Variants in ZNF74 observed in about 807,000 individuals in gnomAD.
The protein encoded by ZNF74 is zinc finger protein 74, also known as zinc finger protein 520.
A neutral mutation model predicts 17.7 loss-of-function variants in ZNF74; 12 were observed. That is an observed-to-expected ratio of 0.68 (90% CI 0.43 to 1.10). ZNF74 has a LOEUF of 1.10. ZNF74 is among the 50% of genes least tolerant of loss of function. ZNF74 has a pLI of 0.00. For synonymous variants in ZNF74, 358 were observed against 362.1 expected (o/e 0.99, Z 0.13); for missense variants, 811 against 881.0 (o/e 0.92, Z 1.01).
rs362181 is a variant in ZNF74, at chr22:20,399,481, G to T, written c.121-1151G>T. 159,989 of 249,674 alleles carry T rather than the reference G, an allele frequency of 0.64. 53,323 individuals are homozygous for T. Among genetic ancestry groups the T allele is most frequent in the East Asian group, 0.88 (5,544 of 6,288 alleles). 15.5% of individuals were successfully genotyped at this position (249,674 alleles called of 1,614,324 possible). On this transcript the variant is annotated intron_variant, in intron 2 of 4. Coordinates refer to ENST00000400451, the MANE Select transcript of ZNF74 (RefSeq NM_003426.4). The stretch of plus-strand genomic sequence containing the variant: ...AGTGGGTTTCTGTAGCTTGCTTTTT[G>T]AATTCAGTTTGACAATCTCCACCTT...
Position 20,401,224 on chromosome 22 carries a change from G to T in ZNF74, c.248-53G>T. ...TTGTTAGGGGGCGGCCTGTAAGGTC[G>T]ACTGGGCCTGGAGAGCTGCAGCATG... On this transcript the variant is annotated intron_variant, in intron 3 of 4. Coordinates refer to ENST00000400451, the MANE Select transcript of ZNF74 (RefSeq NM_003426.4). The surrounding 1 kb of genome is among the most constrained non-coding windows in gnomAD (Gnocchi z 4.2). The T allele has an allele frequency of 1.5e-6, 2 of 1,303,526 alleles. No individual in the cohort carries two copies. The highest frequency in any genetic ancestry group is 2.5e-5 in the South Asian group (2 of 79,104). 80.7% of individuals were successfully genotyped at this position (1,303,526 alleles called of 1,614,324 possible). A position where few individuals can be genotyped will look rare whatever the true frequency, so the allele number is the denominator to read the frequency against.
In ZNF74 at chr22:20,406,206, C is replaced by T; in HGVS notation, c.1173C>T (p.Gly391=). 6.2e-7 allele frequency: 1 copy of T among 1,612,944 alleles called. No individual in the cohort carries two copies. The highest frequency in any genetic ancestry group is 8.5e-7 in the Non-Finnish European group (1 of 1,179,906). Residue 391 remains glycine, a synonymous_variant, in exon 5 of 5, where the codon GGC becomes GGT. Coordinates refer to ENST00000400451, the MANE Select transcript of ZNF74 (RefSeq NM_003426.4). ...CGGGCGAGAAGCCCTACCAGTGCGG[C>T]TCCTGCGGCAAGGCCTTCACCTGCC... is the stretch of plus-strand genomic sequence containing the variant. ...IHTGEKPYQC[G]SCGKAFTCHS... is the part of the protein sequence containing the mutation.
Position 20,400,683 on chromosome 22 carries a change from G to C in ZNF74, c.172G>C (p.Gly58Arg). ...TGTGGACTTCACCCAGGAGGAGTGG[G>C]GTCAACTAGACTCCCCTCAGAGGGC... ...VAVDFTQEEWGQLDSPQRALY... is the reference protein window; with the variant it reads ...VAVDFTQEEWRQLDSPQRALY... Residue 58 changes from glycine (G) to arginine (R), a missense_variant, in exon 3 of 5, where the codon GGT (glycine) becomes CGT (arginine). Around this residue, in one of 3 missense-constraint regions of ZNF74, gnomAD observed 666 missense variants for 702.3 expected, o/e 0.95. Transcript: ENST00000400451. 6.2e-7 allele frequency: 1 copy of C among 1,613,960 alleles called. No homozygotes were observed. The highest frequency in any genetic ancestry group is 8.5e-7 in the Non-Finnish European group (1 of 1,179,834).
intron 2 of ZNF74, among the ~76,000 whole-genome samples, chr22:20,397,083 T>TC (rs1288288819): frequency 6.8e-6 from 1 of 147,448 alleles, no homozygotes; most frequent in African/African-American, 2.5e-5. Flanking sequence ...TTCTTTTTCT[T>TC]TTTTTTTTTT....
chr22:20,399,696 C>T (rs2052336233), intron 2 of ZNF74: 1 of 277,268 alleles, frequency 3.6e-6, no homozygotes, highest in Non-Finnish European at 7.1e-6. Flanking sequence ...CTCAGGTGAT[C>T]TGCCACCTTG....
chr22:20,401,395 G>C lies in ZNF74; in HGVS notation c.343+23G>C. The C allele has an allele frequency of 6.6e-7, 1 of 1,512,646 alleles. No individual in the cohort carries two copies. Among genetic ancestry groups the C allele is most frequent in the South Asian group, 1.2e-5 (1 of 85,192 alleles). 93.7% of individuals were successfully genotyped at this position (1,512,646 alleles called of 1,614,324 possible). ...CAGGTGAGCAGAGGCACAGGTGGAA[G>C]GGTGCCAGCCCCAGCACCCCTGGTG... On this transcript the variant is annotated intron_variant, in intron 4 of 4. Transcript: ENST00000400451. This position sits in a 1 kb window ranked among gnomAD's most constrained non-coding sequence, Gnocchi z 4.2.
Position 20,400,682 on chromosome 22 carries a change from G to T in ZNF74, c.171G>T (p.Trp57Cys). The change falls in exon 3 of 5, where the codon TGG (tryptophan) becomes TGT (cysteine). Residue 57 changes from tryptophan (W) to cysteine (C), a missense_variant. Physicochemically the swap from Trp to Cys is radical, Grantham distance 215. Around this residue, in one of 3 missense-constraint regions of ZNF74, gnomAD observed 666 missense variants for 702.3 expected, o/e 0.95. Coordinates refer to ENST00000400451, the MANE Select transcript of ZNF74 (RefSeq NM_003426.4). ...DVAVDFTQEEWGQLDSPQRAL... is the reference protein window; with the variant it reads ...DVAVDFTQEECGQLDSPQRAL... ...CTGTGGACTTCACCCAGGAGGAGTG[G>T]GGTCAACTAGACTCCCCTCAGAGGG... 1 of 1,614,076 alleles carries T rather than the reference G, an allele frequency of 6.2e-7. No individual in the cohort carries two copies. The highest frequency in any genetic ancestry group is 1.1e-5 in the South Asian group (1 of 91,084).
In ZNF74 at chr22:20,401,350, A is replaced by G; in HGVS notation, c.321A>G (p.Glu107=). 1.2e-6 allele frequency: 2 copies of G among 1,608,934 alleles called. No homozygotes were observed. The highest frequency in any genetic ancestry group is 1.7e-6 in the Non-Finnish European group (2 of 1,177,598). ...AGGAGCCATGGAGCATGCAGAGGGA[A>G]GTCCCCAGAGGGCCCTGTCCAGGTG... is the stretch of plus-strand genomic sequence containing the variant. The part of the protein sequence containing the change: ...RGEEPWSMQR[E]VPRGPCPEWE... The change falls in exon 4 of 5, where the codon GAA becomes GAG. Residue 107 remains glutamate (E), a synonymous_variant. Transcript: ENST00000400451. The surrounding 1 kb of genome is among the most constrained non-coding windows in gnomAD (Gnocchi z 4.2).
chr22:20,394,662 G>A lies in ZNF74; in HGVS notation c.34G>A (p.Ala12Thr). Residue 12 changes from alanine (A) to threonine (T), a missense_variant and splice_region_variant, in exon 1 of 5, where the codon GCT becomes ACT. Physicochemically the swap from Ala to Thr is moderately conservative, Grantham distance 58 (BLOSUM62 0). This residue lies in a region of ZNF74 where 666 missense variants were observed against 702.3 expected (regional missense o/e 0.95). Transcript: ENST00000400451. ...EIPAPEPEKT[A>T]LSSQDPALSL... ...CCCTGCCCCGGAGCCCGAGAAGACA[G>A]GTACAGCTTCACTCTTGTAGTCAGT... The A allele has an allele frequency of 1.9e-6, 3 of 1,614,150 alleles. No individual in the cohort carries two copies. Among genetic ancestry groups the A allele is most frequent in the Non-Finnish European group, 2.5e-6 (3 of 1,179,994 alleles).
Position 20,406,376 on chromosome 22 carries a change from A to T in ZNF74, c.1343A>T (p.Asp448Val). 1 of 1,613,334 alleles carries T rather than the reference A, an allele frequency of 6.2e-7. No individual in the cohort carries two copies. Among genetic ancestry groups the T allele is most frequent in the Non-Finnish European group, 8.5e-7 (1 of 1,179,834 alleles). ...HTGEKPFKCA[D>V]CGKGFSCHAY... ...GGCGAGAAGCCCTTCAAGTGCGCCG[A>T]CTGCGGGAAGGGCTTCAGCTGCCAC... Residue 448 changes from aspartate (D) to valine (V), a missense_variant, in exon 5 of 5, where the codon GAC (aspartate) becomes GTC (valine). Coordinates refer to ENST00000400451, the MANE Select transcript of ZNF74 (RefSeq NM_003426.4).
intron 2 of ZNF74, among the ~76,000 whole-genome samples, chr22:20,399,051 T>A (rs1378535660): frequency 6.6e-6 from 1 of 152,238 alleles, no homozygotes; most frequent in Admixed American, 6.5e-5. Flanking sequence ...TGATTTAAAG[T>A]CTTTCAAGTC....
chr22:20,404,999 G>A lies in ZNF74; in HGVS notation c.344-378G>A, dbSNP rs533936498. Reference sequence around the variant, plus strand: ...CCTGTGTATTGCGAGCACCTGCCATGGTATTGATACAGAGCAGTCGGTCAG... The same window carrying A: ...CCTGTGTATTGCGAGCACCTGCCATAGTATTGATACAGAGCAGTCGGTCAG... On this transcript the variant is annotated intron_variant, in intron 4 of 4. Transcript: ENST00000400451. Among the ~76,000 whole-genome samples the A allele has an allele frequency of 3.9e-5, 6 of 152,328 alleles. No homozygotes were observed. In the South Asian group the frequency reaches 1.0e-3, roughly 26 times the overall value.
intron 2 of ZNF74, among the ~76,000 whole-genome samples, chr22:20,396,312 C>T (rs1171929320): frequency 6.6e-6 from 1 of 151,936 alleles, no homozygotes; most frequent in Non-Finnish European, 1.5e-5. Context: ...TTATAGTCCT[C>T]AAGAAACTTG....
rs910034807 is a variant in ZNF74, at chr22:20,400,473, G to A, written c.121-159G>A. ...GCCCCCCTCCCTGCCCCTGGTCCCC[G>A]AATTCAGTCATGGTCAGTGTCTACA... On this transcript the variant is annotated intron_variant, in intron 2 of 4. Coordinates refer to ENST00000400451, the MANE Select transcript of ZNF74 (RefSeq NM_003426.4). 8 of 744,268 alleles carry A rather than the reference G, an allele frequency of 1.1e-5. No individual in the cohort carries two copies. The East Asian group carries it at 1.4e-4, about 13-fold the overall frequency. The allele number at this position is 744,268 out of a possible 1,614,324, so 46.1% of individuals were successfully genotyped here.
At chr22:20,395,288 C>A (rs767350571) in intron 1 of ZNF74, 45 bp from the exon 2 acceptor site, 18 of 1,476,034 alleles carry the variant, frequency 1.2e-5, no homozygotes, top group Non-Finnish European at 1.7e-5. Flanking sequence ...TAAGCTCAGC[C>A]GTGAGCCTGG....
chr22:20,403,509 G>C (rs2052380963), intron 4 of ZNF74, among the ~76,000 whole-genome samples: 1 of 151,894 alleles, frequency 6.6e-6, no homozygotes. Flanking sequence ...GTTCCAGTCT[G>C]AAGTTGCCAT....
In ZNF74 at chr22:20,395,348, A is replaced by G; in HGVS notation, c.50A>G (p.Asp17Gly). The change falls in exon 2 of 5, where the codon GAT becomes GGT. Residue 17 changes from aspartate (D) to glycine (G), a missense_variant. By Grantham distance (94) the Asp-to-Gly change is moderately conservative (BLOSUM62 -1). Transcript: ENST00000400451. ...CCTTCGCCAGCTCTTTCCTCTCAGG[A>G]TCCTGCTCTTTCCCTGAAAGAGAAT... ...EPEKTALSSQ[D>G]PALSLKENLE... The G allele has an allele frequency of 6.2e-7, 1 of 1,602,168 alleles. No homozygotes were observed. Among genetic ancestry groups the G allele is most frequent in the Non-Finnish European group, 8.5e-7 (1 of 1,170,918 alleles).
In ZNF74 at chr22:20,401,087, G is replaced by A; in HGVS notation, c.248-190G>A. 1.2e-5 allele frequency: 7 copies of A among 598,828 alleles called. No individual in the cohort carries two copies. Among genetic ancestry groups the A allele is most frequent in the South Asian group, 1.0e-4 (5 of 49,666 alleles). 37.1% of individuals were successfully genotyped at this position (598,828 alleles called of 1,614,324 possible). A position where few individuals can be genotyped will look rare whatever the true frequency, so the allele number is the denominator to read the frequency against. ...ATGAAGTAAGGACGTCAGCACACGT[G>A]GGGTCTTCAGAGTATACACTGGGAT... On this transcript the variant is annotated intron_variant, in intron 3 of 4. Transcript: ENST00000400451. The surrounding 1 kb of genome is among the most constrained non-coding windows in gnomAD (Gnocchi z 4.2).
intron 3 of ZNF74, 115 bp downstream of exon 3, chr22:20,400,873 G>A: frequency 1.5e-6 from 2 of 1,329,050 alleles, no homozygotes; most frequent in Non-Finnish European, 2.1e-6. Context: ...CATGGGGTGG[G>A]AAGCAAGGCC....
Sources: gnomAD v4.1 joint callset for allele counts (sites outside exome capture counted in the v4.1 genomes callset) on GRCh38, gnomAD v4.1.1 for gene constraint, gnomAD v4.1.1 regional missense constraint, Gnocchi (gnomAD v3.1) non-coding constraint, MANE v1.5 for transcripts, NCBI Gene and HGNC (gene_info 2026-07-23, HGNC 2026-07-21) for gene names.